The following TBC1D14 variants were observed in gnomAD, a reference collection of about 807,000 sequenced individuals.
TBC1D14 encodes TBC1 domain family member 14, also known as TBC1 domain family, member 14.
Under a neutral mutation model 79.0 loss-of-function variants are expected in TBC1D14, and 26 were observed. That is an observed-to-expected ratio of 0.33 (90% CI 0.24 to 0.46). The LOEUF (loss-of-function observed/expected upper bound fraction) is 0.46. Among genes scored for constraint, TBC1D14 ranks in the 20% least tolerant of loss-of-function variants. The probability of loss-of-function intolerance (pLI) is 1.00; values close to 1 mark genes in which losing one functional copy is unlikely to be tolerated. For synonymous variants in TBC1D14, 394 were observed against 349.9 expected (o/e 1.13, Z -1.40); for missense variants, 769 against 887.6 (o/e 0.87, Z 1.70).
At chr4:6,993,239 A>G (rs1277199878) in intron 3 of TBC1D14, among the ~76,000 whole-genome samples, 2 of 152,140 alleles carry the variant, frequency 1.3e-5, no homozygotes, top group Non-Finnish European at 1.5e-5. Context: ...TGTCTGTAAT[A>G]TTTCCTTAAT....
At chr4:6,990,607 G>A (rs1466401772) in intron 3 of TBC1D14, among the ~76,000 whole-genome samples, 1 of 152,204 alleles carries the variant, frequency 6.6e-6, no homozygotes, top group African/African-American at 2.4e-5. Context: ...TTGGTCCCAT[G>A]CAGAGATGGA....
chr4:6,996,264 T>C, intron 4 of TBC1D14, 61 bp from the exon 5 acceptor site: 1 of 1,403,368 alleles, frequency 7.1e-7, no homozygotes, highest in South Asian at 1.2e-5. Context: ...GCTTCAGGTT[T>C]TTTCTGAAAG....
intron 2 of TBC1D14, among the ~76,000 whole-genome samples, chr4:6,934,425 C>T (rs145417236): frequency 6.6e-6 from 1 of 152,166 alleles, no homozygotes; most frequent in East Asian, 1.9e-4. Context: ...ACTGTTCAAG[C>T]ACTTTGGGAG....
chr4:6,972,047 G>A (rs1444565892), intron 3 of TBC1D14, among the ~76,000 whole-genome samples: 7 of 152,212 alleles, frequency 4.6e-5, no homozygotes, highest in African/African-American at 1.4e-4. Flanking sequence ...GGCCAGGGCA[G>A]CATGGATGGT....
intron 1 of TBC1D14, among the ~76,000 whole-genome samples, chr4:6,919,191 G>T (rs1281440535): frequency 1.3e-5 from 2 of 151,874 alleles, no homozygotes; most frequent in African/African-American, 4.8e-5. Context: ...TTGTTGGGCA[G>T]GCTGGAGTGC....
chr4:7,030,209 C>T (rs887676564), intron 13 of TBC1D14, 118 bp from the exon 14 acceptor site: 2 of 867,480 alleles, frequency 2.3e-6, no homozygotes, highest in Non-Finnish European at 3.8e-6. Flanking sequence ...GGGTTGGAGG[C>T]AGTGGAAGTG....
At chr4:6,923,343 C>G (rs769145998) in intron 1 of TBC1D14, 30 bp from the exon 2 acceptor site, 2 of 1,556,354 alleles carry the variant, frequency 1.3e-6, no homozygotes, top group Admixed American at 1.9e-5. Flanking sequence ...TTTATATCCA[C>G]TTTAATTTCC....
At chr4:7,027,222 A>C (rs545449291) in intron 13 of TBC1D14, among the ~76,000 whole-genome samples, 174 of 151,988 alleles carry the variant, frequency 1.1e-3, no homozygotes, top group East Asian at 1.4e-3. Flanking sequence ...AAAAAACCCC[A>C]AAAAAGCAGG....
In TBC1D14 at chr4:6,923,644, C is replaced by T. The variant is rs34768850; in HGVS notation, c.255C>T (p.His85=). The T allele has an allele frequency of 5.1e-3, 8,246 of 1,613,902 alleles. 384 individuals carry two copies. In the African/African-American group the frequency reaches 0.095, roughly 19 times the overall value. ...AGCCTGTACCCTGCAGCGCGGTCCA[C>T]GTGAGGAGGAAGCAGTCCGACTCCG... The part of the protein sequence containing the change: ...NPEPVPCSAV[H]VRRKQSDSDL... Residue 85 remains histidine (H), a synonymous_variant, in exon 2 of 14, where the codon CAC becomes CAT. Transcript: ENST00000409757.
At chr4:6,946,973 G>A (rs1280641089) in intron 2 of TBC1D14, among the ~76,000 whole-genome samples, 1 of 152,114 alleles carries the variant, frequency 6.6e-6, no homozygotes, top group African/African-American at 2.4e-5. Flanking sequence ...TTACTATTAG[G>A]TGGAGATTAA....
At chr4:6,968,693 A>AGGAGGCTGACTGCTGG (rs77487546) in intron 3 of TBC1D14, among the ~76,000 whole-genome samples, 4 of 148,104 alleles carry the variant, frequency 2.7e-5, no homozygotes, top group Non-Finnish European at 4.6e-5. Flanking sequence ...CTGACCGCCG[A>AGGAGGCTGACTGCTGG]GAGGAGGCTG....
chr4:6,920,545 A>C (rs1282781548), intron 1 of TBC1D14, among the ~76,000 whole-genome samples: 1 of 152,174 alleles, frequency 6.6e-6, no homozygotes, highest in Non-Finnish European at 1.5e-5. Context: ...GCTGACGCCC[A>C]AGCAGGAGTG....
At chr4:6,932,854 G>T (rs1346860381) in intron 2 of TBC1D14, among the ~76,000 whole-genome samples, 2 of 152,118 alleles carry the variant, frequency 1.3e-5, no homozygotes, top group Admixed American at 6.5e-5. Flanking sequence ...CACACATTTG[G>T]TGGCTTGAAA....
chr4:6,940,111 C>T (rs1228240518), intron 2 of TBC1D14, among the ~76,000 whole-genome samples: 1 of 152,198 alleles, frequency 6.6e-6, no homozygotes, highest in Admixed American at 6.5e-5. Context: ...AACTGCCGTC[C>T]AGTGTGTTAG....
chr4:6,973,325 C>T (rs1716383897), intron 3 of TBC1D14, among the ~76,000 whole-genome samples: 1 of 151,986 alleles, frequency 6.6e-6, no homozygotes, highest in Non-Finnish European at 1.5e-5. Context: ...TAGATTGCAG[C>T]AAGGATAGGT....
intron 2 of TBC1D14, among the ~76,000 whole-genome samples, chr4:6,932,252 C>G (rs762853776): frequency 6.6e-6 from 1 of 151,886 alleles, no homozygotes; most frequent in African/African-American, 2.4e-5. Context: ...CCCAGCTACT[C>G]GAGAGGCTGA....
At chr4:7,014,629 CA>C (rs1382218630) in intron 12 of TBC1D14, 72 bp downstream of exon 12, 9 of 1,057,374 alleles carry the variant, frequency 8.5e-6, no homozygotes, top group Non-Finnish European at 1.2e-5. Context: ...TCTTCTCTGC[CA>C]ACTTCTTCAT....
chr4:6,989,838 A>G (rs1718307396), intron 3 of TBC1D14, among the ~76,000 whole-genome samples: 1 of 152,028 alleles, frequency 6.6e-6, no homozygotes, highest in African/African-American at 2.4e-5. Context: ...TCATCAGACC[A>G]CACCCCACAA....
intron 1 of TBC1D14, among the ~76,000 whole-genome samples, chr4:6,912,132 T>A (rs1723045112): frequency 6.6e-6 from 1 of 152,282 alleles, no homozygotes; most frequent in East Asian, 1.9e-4. Context: ...GGCTCATGCC[T>A]GTAAACCCAG....
Sources: gnomAD v4.1 joint callset for allele counts (sites outside exome capture counted in the v4.1 genomes callset) on GRCh38, gnomAD v4.1.1 for gene constraint, MANE v1.5 for transcripts, NCBI Gene and HGNC (gene_info 2026-07-23, HGNC 2026-07-21) for gene names.